The following TBX19 variants were observed in gnomAD, a reference collection of about 807,000 sequenced individuals.
TBX19 encodes the protein T-box transcription factor 19.
TBX19 carries 33 observed loss-of-function variants against 40.9 expected under a neutral mutation model. The ratio of observed to expected loss-of-function variants is 0.81; its 90% CI spans 0.61 to 1.08. The LOEUF (loss-of-function observed/expected upper bound fraction) is 1.08. TBX19 is among the 50% of genes least tolerant of loss of function. The pLI is 0.00. For synonymous variants in TBX19, 220 were observed against 225.0 expected (o/e 0.98, Z 0.20); for missense variants, 494 against 574.0 (o/e 0.86, Z 1.42).
Position 168,314,365 on chromosome 1 carries a change from C to T in TBX19, c.*1363C>T, listed in dbSNP as rs888621381. On this transcript the variant is annotated 3_prime_UTR_variant, in exon 8 of 8. Coordinates refer to ENST00000367821, the MANE Select transcript of TBX19 (RefSeq NM_005149.3). ...GCCTAGCCTTCTTGTCTTTGTAACC[C>T]ACAGCAGCTGGTACTGTGCCTTGCC... is the stretch of plus-strand genomic sequence containing the variant. 2.0e-5 allele frequency: 3 copies of T among 152,698 alleles called. No homozygotes were observed. The highest frequency in any genetic ancestry group is 4.4e-5 in the Non-Finnish European group (3 of 68,120). The allele number at this position is 152,698 out of a possible 1,614,324, so 9.5% of individuals were successfully genotyped here.
intron 3 of TBX19, among the ~76,000 whole-genome samples, chr1:168,295,923 T>A (rs1188571605): frequency 6.6e-6 from 1 of 152,216 alleles, no homozygotes; most frequent in Non-Finnish European, 1.5e-5. Flanking sequence ...TGGCTGCAGG[T>A]GCTGGACAGT....
intron 6 of TBX19, among the ~76,000 whole-genome samples, chr1:168,307,808 A>G (rs1315265034): frequency 6.6e-6 from 1 of 152,202 alleles, no homozygotes; most frequent in African/African-American, 2.4e-5. Flanking sequence ...TAGTGAAGTG[A>G]TTACTGCTGT....
intron 1 of TBX19, 35 bp downstream of exon 1, chr1:168,281,328 G>T: frequency 6.3e-7 from 1 of 1,599,296 alleles, no homozygotes. Flanking sequence ...GGGCTGGCAG[G>T]GCTTGGCAGG....
intron 7 of TBX19, among the ~76,000 whole-genome samples, chr1:168,310,297 CAA>C (rs35774547): frequency 2.6e-4 from 31 of 120,982 alleles, no homozygotes; most frequent in Non-Finnish European, 2.5e-4. Context: ...ACTCTGCCTC[CAA>C]AAAAAAAAAA....
chr1:168,293,308 T>TGA, intron 3 of TBX19, 30 bp downstream of exon 3: 1 of 1,573,090 alleles, frequency 6.4e-7, no homozygotes, highest in Non-Finnish European at 8.6e-7. Flanking sequence ...TGTGTGTGTG[T>TGA]GTGTGTGTGT....
At chr1:168,293,904 TA>T (rs1558191297) in intron 3 of TBX19, among the ~76,000 whole-genome samples, 1 of 152,086 alleles carries the variant, frequency 6.6e-6, no homozygotes, top group Non-Finnish European at 1.5e-5. Context: ...GATTAAACTT[TA>T]AAAAAATTTT....
intron 1 of TBX19, among the ~76,000 whole-genome samples, chr1:168,287,268 G>A (rs1464783753): frequency 6.6e-6 from 1 of 152,064 alleles, no homozygotes; most frequent in Non-Finnish European, 1.5e-5. Flanking sequence ...AAATCTAAGG[G>A]CCATTGTACT....
intron 6 of TBX19, among the ~76,000 whole-genome samples, chr1:168,306,768 C>G (rs1230540171): frequency 6.6e-6 from 1 of 152,040 alleles, no homozygotes; most frequent in African/African-American, 2.4e-5. Flanking sequence ...AGGCTCTACT[C>G]CTGAGTCAGG....
At chr1:168,281,410 T>A (rs1023468248) in intron 1 of TBX19, 117 bp downstream of exon 1, 6 of 938,452 alleles carry the variant, frequency 6.4e-6, no homozygotes, top group Non-Finnish European at 1.0e-5. Flanking sequence ...TGATTAAACA[T>A]GCTTACAGGA....
intron 1 of TBX19, among the ~76,000 whole-genome samples, chr1:168,285,028 T>A (rs952566606): frequency 7.2e-5 from 11 of 152,100 alleles, no homozygotes; most frequent in African/African-American, 2.7e-4. Flanking sequence ...AAGTTGCACA[T>A]CAGGCCAATA....
At chr1:168,285,620 A>G (rs1261678104) in intron 1 of TBX19, among the ~76,000 whole-genome samples, 1 of 152,156 alleles carries the variant, frequency 6.6e-6, no homozygotes, top group Admixed American at 6.5e-5. Flanking sequence ...AGGAGTGCTT[A>G]TTTACCCTGC....
At chr1:168,294,349 T>C (rs1368199895) in intron 3 of TBX19, among the ~76,000 whole-genome samples, 1 of 152,112 alleles carries the variant, frequency 6.6e-6, no homozygotes, top group East Asian at 1.9e-4. Context: ...TTTTTTTTTT[T>C]TGAGACAGAG....
In TBX19 at chr1:168,281,080, G is replaced by C; in HGVS notation, c.-11G>C. On this transcript the variant is annotated 5_prime_UTR_variant, in exon 1 of 8. Coordinates refer to ENST00000367821, the MANE Select transcript of TBX19 (RefSeq NM_005149.3). ...TGGGTAACGGCTCTCGGCAAAGTTCGAGAAGTGCCTATGGCCATGAGTGAG... is the reference window on the plus strand; with the variant it reads ...TGGGTAACGGCTCTCGGCAAAGTTCCAGAAGTGCCTATGGCCATGAGTGAG... 6.2e-7 allele frequency: 1 copy of C among 1,613,978 alleles called. No homozygotes were observed. The highest frequency in any genetic ancestry group is 8.5e-7 in the Non-Finnish European group (1 of 1,179,954).
intron 5 of TBX19, among the ~76,000 whole-genome samples, chr1:168,304,200 T>C (rs1649347195): frequency 2.6e-5 from 4 of 152,202 alleles, no homozygotes; most frequent in Non-Finnish European, 1.5e-5. Context: ...GGGACAGAGC[T>C]CTTACTCAAA....
chr1:168,288,328 A>G (rs1648853924), intron 1 of TBX19, among the ~76,000 whole-genome samples: 1 of 151,564 alleles, frequency 6.6e-6, no homozygotes, highest in Non-Finnish European at 1.5e-5. Flanking sequence ...AAATTTTTCA[A>G]TTTGCATTTG....
chr1:168,287,391 T>C (rs1163367015), intron 1 of TBX19, among the ~76,000 whole-genome samples: 1 of 152,244 alleles, frequency 6.6e-6, no homozygotes, highest in Non-Finnish European at 1.5e-5. Flanking sequence ...ATGGCTAAAG[T>C]AGCTTCTCAT....
At chr1:168,292,827 G>T (rs1572475840) in intron 2 of TBX19, among the ~76,000 whole-genome samples, 1 of 137,462 alleles carries the variant, frequency 7.3e-6, no homozygotes, top group South Asian at 2.2e-4. Context: ...TAGCGCCACT[G>T]CACTCCAGCC....
chr1:168,291,093 G>T lies in TBX19; in HGVS notation c.204-67G>T. On this transcript the variant is annotated intron_variant, in intron 1 of 7. Transcript: ENST00000367821. ...CCGTGGAAGGTCTCAGTATTGAGAG[G>T]CCCCTGGACAAGGTGAGAGTTCCTC... 4 of 1,608,764 alleles carry T rather than the reference G, an allele frequency of 2.5e-6. No homozygotes were observed. In the Middle Eastern group the frequency reaches 5.0e-4, roughly 200 times the overall value.
At chr1:168,281,593 A>C (rs1648651662) in intron 1 of TBX19, among the ~76,000 whole-genome samples, 1 of 152,232 alleles carries the variant, frequency 6.6e-6, no homozygotes, top group South Asian at 2.1e-4. Flanking sequence ...ATGTCAGAAA[A>C]TAATATTAAT....
Sources: allele counts gnomAD v4.1 joint callset (sites outside exome capture counted in the v4.1 genomes callset), GRCh38; gene constraint gnomAD v4.1.1; transcripts MANE v1.5; gene names NCBI Gene and HGNC (gene_info 2026-07-23, HGNC 2026-07-21).